Variants in GRIP1 observed in about 807,000 individuals in gnomAD.
The protein encoded by GRIP1 is glutamate receptor interacting protein 1, also known as glutamate receptor-interacting protein 1.
In GRIP1, 45 loss-of-function variants were observed where a neutral mutation model predicts 129.9. That is an observed-to-expected ratio of 0.35 (90% CI 0.27 to 0.44). The LOEUF (loss-of-function observed/expected upper bound fraction) is 0.44. GRIP1 is among the 20% of genes least tolerant of loss of function. The probability of loss-of-function intolerance (pLI) is 1.00; values close to 1 mark genes in which losing one functional copy is unlikely to be tolerated. For synonymous variants in GRIP1, 530 were observed against 520.8 expected, an observed-to-expected ratio of 1.02 and a Z score of -0.24; for missense variants, 1,196 against 1,396.8, an observed-to-expected ratio of 0.86 and a Z score of 2.29.
intron 1 of GRIP1, among the ~76,000 whole-genome samples, chr12:66,734,558 A>T (rs1424601911): frequency 6.6e-6 from 1 of 152,240 alleles, no homozygotes. Context: ...AACAAGAGTC[A>T]AAATACAGAG....
intron 1 of GRIP1, among the ~76,000 whole-genome samples, chr12:66,633,790 A>G (rs942683658): frequency 2.6e-5 from 4 of 152,228 alleles, no homozygotes; most frequent in Admixed American, 6.5e-5. Context: ...GCCACAGCCT[A>G]AGCAATTTCT....
chr12:66,392,640 G>T (rs780546938), intron 18 of GRIP1, 37 bp downstream of exon 18: 1 of 1,611,180 alleles, frequency 6.2e-7, no homozygotes, highest in Admixed American at 1.7e-5. Flanking sequence ...AAAATGCACT[G>T]GAAATCCTTA....
intron 1 of GRIP1, among the ~76,000 whole-genome samples, chr12:66,703,939 G>T (rs1358466745): frequency 1.3e-5 from 2 of 151,844 alleles, no homozygotes; most frequent in Admixed American, 6.6e-5. Flanking sequence ...ACTTAAAAAT[G>T]GTTCAAATGG....
At chr12:66,841,790 A>G (rs2039722316) in intron 1 of GRIP1, among the ~76,000 whole-genome samples, 1 of 152,194 alleles carries the variant, frequency 6.6e-6, no homozygotes, top group Non-Finnish European at 1.5e-5. Context: ...TCACGGGGGC[A>G]TCTTGGGGTA....
At chr12:66,989,796 A>G (rs895306912) in intron 1 of GRIP1, among the ~76,000 whole-genome samples, 3 of 152,190 alleles carry the variant, frequency 2.0e-5, no homozygotes, top group African/African-American at 7.2e-5. Context: ...GATCTGGCTG[A>G]CGGCACCAAA....
intron 1 of GRIP1, among the ~76,000 whole-genome samples, chr12:66,789,085 T>C (rs538521237): frequency 1.4e-4 from 21 of 152,338 alleles, no homozygotes; most frequent in African/African-American, 4.8e-4. Flanking sequence ...AATTTCAGTA[T>C]ATTCAAGGTC....
rs2041139018 is a variant in GRIP1, at chr12:66,917,276, A to C, written c.58+151774T>G. Among the ~76,000 whole-genome samples, 5 of 152,332 alleles carry C rather than the reference A, an allele frequency of 3.3e-5. No individual in the cohort carries two copies. In the South Asian group the frequency reaches 1.0e-3, roughly 32 times the overall value. On this transcript the variant is annotated intron_variant, in intron 1 of 1. Coordinates refer to the GRIP1 transcript ENST00000643019. ...ACTCTAATCAATAACAAAAACAACA[A>C]AACTCAGTAACCAATAATCTCTACA...
In GRIP1 at chr12:66,689,663, G is replaced by A. The variant is rs2034908536; in HGVS notation, c.-419-59327C>T. Among the ~76,000 whole-genome samples the A allele has an allele frequency of 2.0e-5, 3 of 152,084 alleles. No individual in the cohort carries two copies. In the South Asian group the frequency reaches 6.2e-4, roughly 32 times the overall value. On this transcript the variant is annotated intron_variant, in intron 1 of 4. Transcript: ENST00000538373. The stretch of plus-strand genomic sequence containing the variant: ...ATCACCACTCAGCATTGATGTGGGT[G>A]TGACGGGGGTCATGAGGGTACTTAA...
Position 66,538,175 on chromosome 12 carries a change from G to A in GRIP1, c.418+903C>T, listed in dbSNP as rs192218807. On this transcript the variant is annotated intron_variant, in intron 4 of 24. Transcript: ENST00000359742. ...CACTTTGCAGCCATCTTTGGTATCA[G>A]ATTGGCTGTTGTGTTCTTGCTGTAC... 1.7e-3 allele frequency among the ~76,000 whole-genome samples: 251 copies of A among 151,204 alleles called. 1 individual carries two copies. Among genetic ancestry groups the A allele is most frequent in the Admixed American group, 3.9e-3 (59 of 15,162 alleles).
In GRIP1 at chr12:66,718,567, T is replaced by C. The variant is rs7964619; in HGVS notation, c.-420+85486A>G. 7.8e-3 allele frequency among the ~76,000 whole-genome samples: 1,183 copies of C among 152,184 alleles called. 15 individuals are homozygous for C. Among genetic ancestry groups the C allele is most frequent in the African/African-American group, 0.026 (1,091 of 41,550 alleles). On this transcript the variant is annotated intron_variant, in intron 1 of 4. Transcript: ENST00000538373. ...AGAAATGTTCTCTACATGTTCTTTGTAGGCTGGGTGCGGTGGCTCATGCCT... is the reference window on the plus strand; with the variant it reads ...AGAAATGTTCTCTACATGTTCTTTGCAGGCTGGGTGCGGTGGCTCATGCCT...
In GRIP1 at chr12:66,502,018, A is replaced by G. The variant is rs75418727; in HGVS notation, c.724+13601T>C. On this transcript the variant is annotated intron_variant, in intron 7 of 24. Transcript: ENST00000359742. ...TTCTTAGATAGTGATTTTAGCTATA[A>G]TCACTTTAAATTGGTTAAACTATTT... is the stretch of plus-strand genomic sequence containing the variant. 6.0e-3 allele frequency among the ~76,000 whole-genome samples: 915 copies of G among 152,310 alleles called. 8 individuals carry two copies. The highest frequency in any genetic ancestry group is 0.021 in the African/African-American group (869 of 41,554).
Position 66,444,692 on chromosome 12 carries a change from T to C in GRIP1, c.1579A>G (p.Ile527Val), listed in dbSNP as rs551288269. Residue 527 changes from isoleucine (I) to valine (V), a missense_variant, in exon 13 of 25, where the codon ATC (isoleucine) becomes GTC (valine). Transcript: ENST00000359742. ...CTGTCTTCTGTTGGAATTCCATTGA[T>C]GGCCATCACTCTGTCTCCAATCTGT... The part of the protein sequence containing the change: ...VLQIGDRVMA[I>V]NGIPTEDSTF... 3 of 1,614,054 alleles carry C rather than the reference T, an allele frequency of 1.9e-6. No homozygotes were observed. The highest frequency in any genetic ancestry group is 1.1e-5 in the South Asian group (1 of 91,088).
chr12:66,403,567 G>T lies in GRIP1; in HGVS notation c.1984+2716C>A, dbSNP rs142983580. Reference sequence around the variant, plus strand: ...ATCTTTTATAAAACCATGTCTGAATGAGTATATATTTCTGTATATCAATAT... The same window carrying T: ...ATCTTTTATAAAACCATGTCTGAATTAGTATATATTTCTGTATATCAATAT... On this transcript the variant is annotated intron_variant, in intron 16 of 24. Coordinates refer to ENST00000359742, the MANE Select transcript of GRIP1 (RefSeq NM_001366722.1). Among the ~76,000 whole-genome samples, 1,061 of 152,246 alleles carry T rather than the reference G, an allele frequency of 7.0e-3. 12 individuals are homozygous for T. Among genetic ancestry groups the T allele is most frequent in the African/African-American group, 0.025 (1,018 of 41,522 alleles).
chr12:66,474,802 C>T (rs915953931), intron 7 of GRIP1, among the ~76,000 whole-genome samples: 7 of 152,288 alleles, frequency 4.6e-5, no homozygotes, highest in Admixed American at 3.9e-4. Context: ...ACCACCAGGC[C>T]TGCCCTACAA....
intron 1 of GRIP1, among the ~76,000 whole-genome samples, chr12:66,876,064 C>A (rs908792299): frequency 6.6e-6 from 1 of 151,746 alleles, no homozygotes; most frequent in African/African-American, 2.4e-5. Context: ...AACTGTTAGG[C>A]AATTTAAATT....
At chr12:66,800,500 G>A (rs2038827246) in intron 1 of GRIP1, among the ~76,000 whole-genome samples, 1 of 152,144 alleles carries the variant, frequency 6.6e-6, no homozygotes, top group African/African-American at 2.4e-5. Flanking sequence ...TTATGTATAA[G>A]CACAGTGTTA....
At chr12:66,507,777 T>TTCTTTCTG (rs2060576479) in intron 7 of GRIP1, among the ~76,000 whole-genome samples, 1 of 151,992 alleles carries the variant, frequency 6.6e-6, no homozygotes. Flanking sequence ...CTTTCTTTCT[T>TTCTTTCTG]TCTTTTTTTT....
intron 23 of GRIP1, among the ~76,000 whole-genome samples, chr12:66,362,098 G>C (rs2054805580): frequency 6.6e-6 from 1 of 150,496 alleles, no homozygotes; most frequent in Non-Finnish European, 1.5e-5. Flanking sequence ...CCATCTGAGA[G>C]AGAGGAAGAG....
intron 1 of GRIP1, among the ~76,000 whole-genome samples, chr12:66,829,479 C>T (rs1250122188): frequency 6.6e-6 from 1 of 152,120 alleles, no homozygotes; most frequent in Non-Finnish European, 1.5e-5. Context: ...AGCCACCAAG[C>T]TTGTGGTAAT....
Sources: gnomAD v4.1 joint callset for allele counts (sites outside exome capture counted in the v4.1 genomes callset) on GRCh38, gnomAD v4.1.1 for gene constraint, MANE v1.5 for transcripts, NCBI Gene and HGNC (gene_info 2026-07-23, HGNC 2026-07-21) for gene names.